The following RASEF variants were observed in gnomAD, a reference collection of about 807,000 sequenced individuals.
RASEF encodes ras and EF-hand domain-containing protein.
RASEF carries 68 observed loss-of-function variants against 90.1 expected under a neutral mutation model. The ratio of observed to expected loss-of-function variants is 0.75; its 90% CI spans 0.62 to 0.92. The LOEUF (loss-of-function observed/expected upper bound fraction) is 0.92, where lower values mean the gene tolerates loss of function less well. Ranked by LOEUF, RASEF falls within the 40% of genes least tolerant of loss-of-function variation. The probability of loss-of-function intolerance (pLI) is 0.00; values close to 1 mark genes in which losing one functional copy is unlikely to be tolerated. For missense variants in RASEF, 949 were observed against 937.2 expected (o/e 1.01, Z -0.16); for synonymous variants, 331 against 345.2 (o/e 0.96, Z 0.46).
At chr9:83,100,030 C>T in the RASEF span, among the ~76,000 whole-genome samples, 2 of 152,236 alleles carry the variant, frequency 1.3e-5, no homozygotes, top group East Asian at 1.9e-4. Context: ...AAGAGTTTTT[C>T]GTGCATTAAA....
chr9:83,188,783 A>T, the RASEF span, among the ~76,000 whole-genome samples: 3 of 152,138 alleles, frequency 2.0e-5, no homozygotes, highest in African/African-American at 7.2e-5. Context: ...ATCAATAGAG[A>T]AGCCTAACTT....
the RASEF span, among the ~76,000 whole-genome samples, chr9:83,165,070 C>T: frequency 2.0e-5 from 3 of 152,016 alleles, no homozygotes; most frequent in African/African-American, 7.2e-5. Context: ...GAGACTTCAA[C>T]ACCCCTATAT....
chr9:83,152,413 C>T, the RASEF span, among the ~76,000 whole-genome samples: 1 of 152,148 alleles, frequency 6.6e-6, no homozygotes, highest in Admixed American at 6.5e-5. Flanking sequence ...CACCATCTCT[C>T]TTCCTCTAGC....
chr9:83,135,026 A>G, the RASEF span, among the ~76,000 whole-genome samples: 85,053 of 151,950 alleles, frequency 0.56, 24,479 homozygotes, highest in East Asian at 0.79. Context: ...TACATGAAAC[A>G]TCCTGATTAA....
the RASEF span, among the ~76,000 whole-genome samples, chr9:83,208,393 G>T: frequency 1.1e-4 from 17 of 152,196 alleles, no homozygotes; most frequent in African/African-American, 2.4e-4. Context: ...CCTCCCCCAG[G>T]TTCCTCTAAA....
chr9:83,214,781 A>G, the RASEF span, among the ~76,000 whole-genome samples: 1 of 151,986 alleles, frequency 6.6e-6, no homozygotes, highest in Non-Finnish European at 1.5e-5. Flanking sequence ...TTCCACCATG[A>G]TTGTGAGGCC....
chr9:83,004,114 G>T (rs1280330953), intron 9 of RASEF, among the ~76,000 whole-genome samples: 1 of 152,024 alleles, frequency 6.6e-6, no homozygotes, highest in African/African-American at 2.4e-5. Context: ...ATAATATTAT[G>T]CTGAGCTATT....
chr9:83,017,426 G>T (rs1161119986), intron 3 of RASEF, among the ~76,000 whole-genome samples: 1 of 152,044 alleles, frequency 6.6e-6, no homozygotes, highest in African/African-American at 2.4e-5. Context: ...CGTGAACCCG[G>T]GAGGTGGAGC....
rs1263665102 is a variant in RASEF, at chr9:83,053,301, G to C, written c.431+9136C>G. On this transcript the variant is annotated intron_variant, in intron 1 of 16. Coordinates refer to ENST00000376447, the MANE Select transcript of RASEF (RefSeq NM_152573.4). ...TTGATCCCTTTACCATTATGTAATG[G>C]CCTTCTTTGTATCTTTTGATCTTTG... Among the ~76,000 whole-genome samples the C allele has an allele frequency of 5.4e-5, 4 of 73,504 alleles. No individual in the cohort carries two copies. In the East Asian group the frequency reaches 2.0e-3, roughly 37 times the overall value. The allele number at this position is 73,504 out of a possible 152,430, so 48.2% of individuals were successfully genotyped here.
At chr9:83,213,184 G>T in the RASEF span, among the ~76,000 whole-genome samples, 9 of 151,500 alleles carry the variant, frequency 5.9e-5, no homozygotes, top group Admixed American at 5.9e-4. Context: ...TAGATCACTT[G>T]AGGTCAGGAG....
chr9:83,091,426 G>A, the RASEF span, among the ~76,000 whole-genome samples: 1 of 152,046 alleles, frequency 6.6e-6, no homozygotes, highest in Non-Finnish European at 1.5e-5. Flanking sequence ...ATGGTGGTGC[G>A]CACATGTAGT....
At chr9:83,063,856 G>A (rs943672930), upstream of RASEF, among the ~76,000 whole-genome samples, 1 of 152,096 alleles carries the variant, frequency 6.6e-6, no homozygotes, top group African/African-American at 2.4e-5. Flanking sequence ...TAATGGATAT[G>A]AGATCTTTAA....
the RASEF span, among the ~76,000 whole-genome samples, chr9:83,094,785 G>T: frequency 4.6e-5 from 7 of 152,158 alleles, no homozygotes; most frequent in African/African-American, 1.7e-4. Flanking sequence ...TATTAAATGG[G>T]ACAATGATAC....
rs781201987 is a variant in RASEF, at chr9:83,005,432, T to C, written c.1097A>G (p.Lys366Arg). 4.2e-5 allele frequency: 67 copies of C among 1,612,560 alleles called. No homozygotes were observed. Among genetic ancestry groups the C allele is most frequent in the Middle Eastern group, 1.6e-4 (1 of 6,078 alleles). Residue 366 changes from lysine to arginine, a missense_variant, in exon 8 of 17, where the codon AAG becomes AGG. By Grantham distance (26) the Lys-to-Arg change is conservative. Transcript: ENST00000376447. ...GTGGCATACCAAAGATCTGTTGAAC[T>C]TGCTATAACTGTTTTCAAGGGCACT... ...LRSALENSYS[K>R]FNRSLHINNI...
chr9:83,135,845 A>T, the RASEF span, among the ~76,000 whole-genome samples: 1 of 152,186 alleles, frequency 6.6e-6, no homozygotes, highest in African/African-American at 2.4e-5. Flanking sequence ...CTTCAAAAGA[A>T]TTGCTCCCCT....
the RASEF span, among the ~76,000 whole-genome samples, chr9:83,147,060 A>AT: frequency 3.8e-4 from 56 of 148,306 alleles, no homozygotes; most frequent in Admixed American, 1.6e-3. Context: ...ATATATATAT[A>AT]AATATGTACA....
chr9:83,003,376 G>A (rs1055416793), intron 9 of RASEF, among the ~76,000 whole-genome samples: 17 of 152,134 alleles, frequency 1.1e-4, no homozygotes, highest in African/African-American at 4.1e-4. Context: ...CTCTACTCCA[G>A]TTCTTATGAG....
At chr9:83,182,179 C>T in the RASEF span, among the ~76,000 whole-genome samples, 5 of 152,214 alleles carry the variant, frequency 3.3e-5, 1 homozygote, top group South Asian at 1.0e-3. Flanking sequence ...GTCCCTCTCA[C>T]TATAAAAAAT....
In RASEF at chr9:83,007,422, G is replaced by C; in HGVS notation, c.1028+15C>G. 6.3e-7 allele frequency: 1 copy of C among 1,580,592 alleles called. No individual in the cohort carries two copies. Among genetic ancestry groups the C allele is most frequent in the South Asian group, 1.1e-5 (1 of 90,392 alleles). ...TGAAATGTAAATGTAATGAGCATTT[G>C]ATCTGCGGACTTACTGGAGTATTTC... On this transcript the variant is annotated intron_variant, in intron 7 of 16. Coordinates refer to ENST00000376447, the MANE Select transcript of RASEF (RefSeq NM_152573.4).
Sources: allele counts gnomAD v4.1 joint callset (sites outside exome capture counted in the v4.1 genomes callset), GRCh38; gene constraint gnomAD v4.1.1; transcripts MANE v1.5; gene names NCBI Gene and HGNC (gene_info 2026-07-23, HGNC 2026-07-21).